DLGAP2: variants seen among roughly 807,000 people sequenced by gnomAD.
DLGAP2 encodes the protein DLG associated protein 2, also known as disks large-associated protein 2.
DLGAP2 carries 26 observed loss-of-function variants against 100.3 expected under a neutral mutation model. The observed-to-expected ratio is 0.26, with a 90% CI of 0.19 to 0.36. The LOEUF (loss-of-function observed/expected upper bound fraction) is 0.36, where lower values mean the gene tolerates loss of function less well. Ranked by LOEUF, DLGAP2 falls within the 10% of genes least tolerant of loss-of-function variation. The pLI is 1.00. For synonymous variants in DLGAP2, 886 were observed against 630.1 expected, an observed-to-expected ratio of 1.41 and a Z score of -6.08; for missense variants, 1,858 against 1,453.2, an observed-to-expected ratio of 1.28 and a Z score of -4.53.
intron 3 of DLGAP2, among the ~76,000 whole-genome samples, chr8:1,421,366 G>A (rs1797082693): frequency 6.6e-6 from 1 of 152,134 alleles, no homozygotes; most frequent in Non-Finnish European, 1.5e-5. Context: ...GAGTGAAGTT[G>A]TGACTGCAGT....
At chr8:1,173,711 G>A (rs187036243) in intron 2 of DLGAP2, among the ~76,000 whole-genome samples, 15 of 152,228 alleles carry the variant, frequency 9.9e-5, no homozygotes, top group African/African-American at 1.4e-4. Flanking sequence ...CTCCTGGTGC[G>A]CCATTTTTTA....
At chr8:1,228,186 C>G (rs954051180) in intron 2 of DLGAP2, among the ~76,000 whole-genome samples, 2 of 151,332 alleles carry the variant, frequency 1.3e-5, no homozygotes, top group Non-Finnish European at 2.9e-5. Flanking sequence ...ATGTAACAAA[C>G]CTGCACGTTG....
At chr8:1,456,863 A>C (rs1584922934) in intron 3 of DLGAP2, among the ~76,000 whole-genome samples, 1 of 55,118 alleles carries the variant, frequency 1.8e-5, no homozygotes, top group Non-Finnish European at 4.1e-5. Context: ...TGCACTGGTG[A>C]AATCGGTTTT....
At chr8:1,142,066 G>T (rs10097705) in intron 2 of DLGAP2, among the ~76,000 whole-genome samples, 69,475 of 148,326 alleles carry the variant, frequency 0.47, 17,574 homozygotes, top group Non-Finnish European at 0.58. Flanking sequence ...TTCTGCCTAC[G>T]TATATAAGTT....
intron 2 of DLGAP2, among the ~76,000 whole-genome samples, chr8:1,088,456 G>A (rs774285801): frequency 7.9e-5 from 12 of 152,098 alleles, no homozygotes; most frequent in Admixed American, 1.3e-4. Flanking sequence ...TAACACTGCC[G>A]GAAATTCAGA....
In DLGAP2 at chr8:1,363,222, C is replaced by T. The variant is rs75703436; in HGVS notation, c.106+104339C>T. On this transcript the variant is annotated intron_variant, in intron 3 of 14. Transcript: ENST00000637795. The stretch of plus-strand genomic sequence containing the variant: ...TCTGGGAAAGAAATGGAGATTCACA[C>T]GAAGGTACGGGCAGCACAGGCAGCA... Among the ~76,000 whole-genome samples, 1,056 of 152,338 alleles carry T rather than the reference C, an allele frequency of 6.9e-3. 12 individuals are homozygous for T. The highest frequency in any genetic ancestry group is 0.01 in the Non-Finnish European group (699 of 68,032).
At chr8:946,439 A>ATT (rs2129006467) in intron 2 of DLGAP2, among the ~76,000 whole-genome samples, 1 of 151,644 alleles carries the variant, frequency 6.6e-6, no homozygotes, top group South Asian at 2.1e-4. Flanking sequence ...AATTTTTTGT[A>ATT]GTTTTTGTAG....
chr8:997,975 G>T (rs1361136950), intron 2 of DLGAP2, among the ~76,000 whole-genome samples: 16 of 121,714 alleles, frequency 1.3e-4, no homozygotes, highest in African/African-American at 3.2e-5. Context: ...ACGCATGCAT[G>T]TACATGCACA....
intron 2 of DLGAP2, among the ~76,000 whole-genome samples, chr8:942,397 C>T (rs1799217315): frequency 6.6e-6 from 1 of 152,212 alleles, no homozygotes; most frequent in South Asian, 2.1e-4. Context: ...GGTCTTTCTC[C>T]TCCCACCTGG....
At chr8:1,152,162 TTATC>T (rs1362751441) in intron 2 of DLGAP2, among the ~76,000 whole-genome samples, 3 of 152,262 alleles carry the variant, frequency 2.0e-5, no homozygotes, top group African/African-American at 2.4e-5. Context: ...TTGTAGACAT[TTATC>T]TATTTTGCTA....
intron 2 of DLGAP2, among the ~76,000 whole-genome samples, chr8:1,192,304 C>A (rs542145241): frequency 6.6e-6 from 1 of 152,272 alleles, no homozygotes; most frequent in East Asian, 1.9e-4. Flanking sequence ...TTTTAAGTGA[C>A]AAAAGTATAT....
chr8:1,424,072 C>T (rs779912226), intron 3 of DLGAP2, among the ~76,000 whole-genome samples: 3 of 152,238 alleles, frequency 2.0e-5, no homozygotes, highest in Non-Finnish European at 2.9e-5. Flanking sequence ...GAGATACTCT[C>T]CCATGGCACT....
At chr8:799,606 G>A (rs1378961072) in intron 1 of DLGAP2, among the ~76,000 whole-genome samples, 2 of 152,152 alleles carry the variant, frequency 1.3e-5, no homozygotes, top group Non-Finnish European at 2.9e-5. Context: ...TATGAACTGT[G>A]AACTCACTTT....
chr8:887,941 G>A (rs1331365708), intron 1 of DLGAP2, among the ~76,000 whole-genome samples: 1 of 152,188 alleles, frequency 6.6e-6, no homozygotes, highest in South Asian at 2.1e-4. Context: ...GGTTGCAGAA[G>A]TTCTCCTGGA....
intron 2 of DLGAP2, among the ~76,000 whole-genome samples, chr8:1,193,393 T>G (rs534501285): frequency 6.6e-6 from 1 of 152,186 alleles, no homozygotes; most frequent in Non-Finnish European, 1.5e-5. Flanking sequence ...TATCTCATTG[T>G]GGTTTTGATT....
intron 2 of DLGAP2, among the ~76,000 whole-genome samples, chr8:1,186,470 C>T (rs746620973): frequency 2.6e-5 from 4 of 152,222 alleles, no homozygotes; most frequent in South Asian, 4.1e-4. Flanking sequence ...ACGCCCTAAG[C>T]CAGCGAGTAC....
At chr8:1,041,302 G>A (rs1349791742) in intron 2 of DLGAP2, among the ~76,000 whole-genome samples, 2 of 152,142 alleles carry the variant, frequency 1.3e-5, no homozygotes, top group African/African-American at 4.8e-5. Flanking sequence ...GGTGCGTGGA[G>A]ATCGCCCCTC....
chr8:1,074,396 C>G (rs1297471705), intron 2 of DLGAP2, among the ~76,000 whole-genome samples: 1 of 152,258 alleles, frequency 6.6e-6, no homozygotes, highest in African/African-American at 2.4e-5. Flanking sequence ...CACAGAATTT[C>G]TCTTCAGCCT....
chr8:1,469,945 C>A (rs919568445), intron 3 of DLGAP2, among the ~76,000 whole-genome samples: 2 of 151,126 alleles, frequency 1.3e-5, no homozygotes, highest in African/African-American at 4.9e-5. Context: ...TGCTTGAGCC[C>A]AGAAGTTCAA....
Sources: gnomAD v4.1 joint callset for allele counts (sites outside exome capture counted in the v4.1 genomes callset) on GRCh38, gnomAD v4.1.1 for gene constraint, MANE v1.5 for transcripts, NCBI Gene and HGNC (gene_info 2026-07-23, HGNC 2026-07-21) for gene names.